Variants in SLC16A7 observed in about 807,000 individuals in gnomAD.
SLC16A7 encodes the protein solute carrier family 16 member 7.
In SLC16A7, 33 loss-of-function variants were observed where a neutral mutation model predicts 34.9. The observed-to-expected ratio is 0.94, with a 90% CI of 0.72 to 1.26. The LOEUF (loss-of-function observed/expected upper bound fraction) is 1.26, where lower values mean the gene tolerates loss of function less well. Ranked by LOEUF, SLC16A7 falls within the 50% of genes most tolerant of loss-of-function variation. SLC16A7 has a pLI of 0.00. For missense variants in SLC16A7, 573 were observed against 578.1 expected (o/e 0.99, Z 0.09); for synonymous variants, 201 against 206.6 (o/e 0.97, Z 0.23).
rs374313420 is a variant in SLC16A7, at chr12:59,771,315, T to C, written c.314T>C (p.Phe105Ser). 21 of 1,612,778 alleles carry C rather than the reference T, an allele frequency of 1.3e-5. No individual in the cohort carries two copies. The African/African-American group carries it at 2.3e-4, about 17-fold the overall frequency. Residue 105 changes from phenylalanine to serine, a missense_variant, in exon 4 of 6, where the codon TTT becomes TCT. Coordinates refer to ENST00000547379, the MANE Select transcript of SLC16A7 (RefSeq NM_001270623.2). The part of the protein sequence containing the change: ...LCCLGMVLAS[F>S]SSSVVQLYLT... ...TGTCTTGGAATGGTGTTGGCCTCCT[T>C]TAGTAGCAGCGTGGTACAGCTGTAC...
chr12:59,753,621 A>C (rs377389832), intron 3 of SLC16A7, among the ~76,000 whole-genome samples: 17,839 of 150,392 alleles, frequency 0.12, 1,345 homozygotes, highest in African/African-American at 0.21. Context: ...CCTGAGTGAC[A>C]TACAAAGAGA....
At chr12:59,714,908 C>T (rs573979453) in intron 3 of SLC16A7, among the ~76,000 whole-genome samples, 1 of 152,194 alleles carries the variant, frequency 6.6e-6, no homozygotes, top group South Asian at 2.1e-4. Context: ...GGATTATGGC[C>T]CAACTTAATA....
intron 3 of SLC16A7, among the ~76,000 whole-genome samples, chr12:59,726,145 G>A (rs1337722862): frequency 6.6e-6 from 1 of 152,080 alleles, no homozygotes; most frequent in African/African-American, 2.4e-5. Flanking sequence ...AAAGTGATCA[G>A]TGAGTACACA....
intron 1 of SLC16A7, among the ~76,000 whole-genome samples, chr12:59,652,318 A>G (rs1686824747): frequency 6.6e-6 from 1 of 151,988 alleles, no homozygotes; most frequent in Admixed American, 6.6e-5. Flanking sequence ...TAGCCCTTTG[A>G]ATGAGCACCT....
At chr12:59,746,032 G>A (rs1042215213) in intron 3 of SLC16A7, among the ~76,000 whole-genome samples, 36 of 152,172 alleles carry the variant, frequency 2.4e-4, no homozygotes, top group Admixed American at 1.6e-3. Flanking sequence ...GGAGCTAATA[G>A]TCAATTACGG....
At chr12:59,602,314 T>G (rs186996740) in intron 1 of SLC16A7, among the ~76,000 whole-genome samples, 21 of 152,270 alleles carry the variant, frequency 1.4e-4, no homozygotes, top group African/African-American at 4.6e-4. Flanking sequence ...GGACTGTTAA[T>G]AACCTTTGGC....
intron 1 of SLC16A7, among the ~76,000 whole-genome samples, chr12:59,615,337 A>G (rs1879399636): frequency 6.6e-6 from 1 of 152,208 alleles, no homozygotes. Flanking sequence ...GAAGTCTCTC[A>G]AATTCCTAGA....
chr12:59,775,467 C>G lies in SLC16A7; in HGVS notation c.1172C>G (p.Pro391Arg). The G allele has an allele frequency of 6.2e-7, 1 of 1,612,206 alleles. No individual in the cohort carries two copies. Among genetic ancestry groups the G allele is most frequent in the Non-Finnish European group, 8.5e-7 (1 of 1,178,716 alleles). ...VECGPVLLGP[P>R]LAGKLVDLTG... The stretch of plus-strand genomic sequence containing the variant: ...TGTGGCCCAGTTCTTCTTGGCCCTC[C>G]TCTTGCAGGTAAGAACGTTTTTCAT... Residue 391 changes from proline to arginine, a missense_variant, in exon 5 of 6, where the codon CCT becomes CGT. Coordinates refer to ENST00000547379, the MANE Select transcript of SLC16A7 (RefSeq NM_001270623.2).
intron 1 of SLC16A7, among the ~76,000 whole-genome samples, chr12:59,650,153 T>G (rs190908788): frequency 6.6e-6 from 1 of 152,200 alleles, no homozygotes; most frequent in Admixed American, 6.6e-5. Context: ...TAAAAGGGTA[T>G]AGTCTTACCT....
intron 2 of SLC16A7, among the ~76,000 whole-genome samples, chr12:59,662,872 T>C (rs1320354872): frequency 1.3e-5 from 2 of 152,158 alleles, no homozygotes; most frequent in African/African-American, 4.8e-5. Flanking sequence ...TATATTTGCT[T>C]AAAATGTTTA....
At chr12:59,703,443 C>G (rs562651032) in intron 2 of SLC16A7, among the ~76,000 whole-genome samples, 1 of 151,972 alleles carries the variant, frequency 6.6e-6, no homozygotes, top group African/African-American at 2.4e-5. Flanking sequence ...TCACATTGTA[C>G]CCCATAAATA....
At chr12:59,658,072 G>A (rs113749300) in intron 2 of SLC16A7, among the ~76,000 whole-genome samples, 2 of 151,938 alleles carry the variant, frequency 1.3e-5, no homozygotes, top group Non-Finnish European at 2.9e-5. Flanking sequence ...TGAAATACAA[G>A]GGATACCATC....
Position 59,685,842 on chromosome 12 carries a change from T to C in SLC16A7, c.-30-18930T>C, listed in dbSNP as rs552103958. On this transcript the variant is annotated intron_variant, in intron 2 of 5. Coordinates refer to ENST00000547379, the MANE Select transcript of SLC16A7 (RefSeq NM_001270623.2). Reference sequence around the variant, plus strand: ...TTTTATAGGAACATATTTTGTTAAATAGCATAAAAAATTTTAATAATTTAA... The same window carrying C: ...TTTTATAGGAACATATTTTGTTAAACAGCATAAAAAATTTTAATAATTTAA... Among the ~76,000 whole-genome samples the C allele has an allele frequency of 3.3e-5, 5 of 152,254 alleles. No individual in the cohort carries two copies. The East Asian group carries it at 5.8e-4, about 18-fold the overall frequency.
intron 4 of SLC16A7, among the ~76,000 whole-genome samples, chr12:59,772,409 C>T (rs553297519): frequency 6.6e-6 from 1 of 152,176 alleles, no homozygotes; most frequent in South Asian, 2.1e-4. Flanking sequence ...CTGTAGAAGT[C>T]GGGATGCGCC....
intron 3 of SLC16A7, 94 bp from the exon 4 acceptor site, chr12:59,771,125 G>A: frequency 8.2e-7 from 1 of 1,214,672 alleles, no homozygotes. Flanking sequence ...CCATTAAAAT[G>A]TGCTTTCTTG....
intron 3 of SLC16A7, among the ~76,000 whole-genome samples, chr12:59,756,461 C>A (rs879294990): frequency 1.1e-4 from 16 of 152,052 alleles, no homozygotes; most frequent in South Asian, 4.2e-4. Flanking sequence ...TGAACAGACA[C>A]TTCTCAAAAG....
intron 2 of SLC16A7, among the ~76,000 whole-genome samples, chr12:59,661,115 G>C (rs1034718582): frequency 6.6e-6 from 1 of 152,050 alleles, no homozygotes; most frequent in African/African-American, 2.4e-5. Flanking sequence ...GGTGGAAGAT[G>C]CTTGTGGTAT....
chr12:59,614,866 G>C (rs968572507), intron 1 of SLC16A7, among the ~76,000 whole-genome samples: 2 of 149,584 alleles, frequency 1.3e-5, no homozygotes, highest in African/African-American at 4.9e-5. Flanking sequence ...AGCCAGGCGT[G>C]GTGGTGGGCA....
At chr12:59,671,220 G>T (rs749394603) in intron 2 of SLC16A7, among the ~76,000 whole-genome samples, 1 of 151,924 alleles carries the variant, frequency 6.6e-6, no homozygotes, top group Non-Finnish European at 1.5e-5. Context: ...CTCACATATG[G>T]CATCTGAATT....
Sources: allele counts gnomAD v4.1 joint callset (sites outside exome capture counted in the v4.1 genomes callset), GRCh38; gene constraint gnomAD v4.1.1; transcripts MANE v1.5; gene names NCBI Gene and HGNC (gene_info 2026-07-23, HGNC 2026-07-21).